The following TRMT11 variants were observed in gnomAD, a reference collection of about 807,000 sequenced individuals.
TRMT11 encodes tRNA (guanine(10)-N(2))-methyltransferase TRMT11.
Under a neutral mutation model 62.8 loss-of-function variants are expected in TRMT11, and 53 were observed. The ratio of observed to expected loss-of-function variants is 0.84; its 90% CI spans 0.68 to 1.06. TRMT11 has a LOEUF of 1.06. TRMT11 is among the 50% of genes least tolerant of loss of function. The pLI is 0.00. For synonymous variants in TRMT11, 188 were observed against 190.3 expected (o/e 0.99, Z 0.10); for missense variants, 556 against 553.4 (o/e 1.00, Z -0.05).
chr6:126,073,627 GT>G (rs796733456), intron 17 of TRMT11, among the ~76,000 whole-genome samples: 164 of 147,978 alleles, frequency 1.1e-3, no homozygotes, highest in East Asian at 5.9e-3. Flanking sequence ...ATTGTTCCTA[GT>G]TTTTTTTTTA....
intron 17 of TRMT11, among the ~76,000 whole-genome samples, chr6:126,088,323 A>C (rs775268667): frequency 6.6e-6 from 1 of 152,132 alleles, no homozygotes; most frequent in Non-Finnish European, 1.5e-5. Context: ...TCCTTTTTCA[A>C]ATTATAAGCT....
At chr6:126,127,865 G>A (rs1336754357) in intron 21 of TRMT11, among the ~76,000 whole-genome samples, 2 of 151,990 alleles carry the variant, frequency 1.3e-5, no homozygotes, top group Non-Finnish European at 2.9e-5. Context: ...TGGGGATATT[G>A]TAGAAGGGAT....
At position 126,170,439 on chromosome 6, in the gene TRMT11, C is replaced by T. The variant is rs142937659; in HGVS notation, c.*1824-4386C>T. On this transcript the variant is annotated intron_variant and NMD_transcript_variant, in intron 21 of 22. Transcript: ENST00000648977. ...TAGAAAATTCAGTGGATGTTCTTTC[C>T]ATATGTCAGCTGCTGTGGTAACCCA... is the stretch of plus-strand genomic sequence containing the variant. Among the ~76,000 whole-genome samples the T allele has an allele frequency of 4.7e-3, 723 of 152,252 alleles. 3 individuals are homozygous for T. The highest frequency in any genetic ancestry group is 0.017 in the African/African-American group (695 of 41,544).
intron 21 of TRMT11, among the ~76,000 whole-genome samples, chr6:126,117,139 C>T (rs947707533): frequency 6.6e-6 from 1 of 152,014 alleles, no homozygotes; most frequent in African/African-American, 2.4e-5. Context: ...TTTTTGTATC[C>T]TCGCTAAAGA....
intron 1 of TRMT11, among the ~76,000 whole-genome samples, chr6:126,190,189 C>G (rs891934417): frequency 1.3e-5 from 2 of 152,164 alleles, no homozygotes; most frequent in African/African-American, 4.8e-5. Flanking sequence ...ACTAGCTTCA[C>G]TTCATCTACC....
intron 17 of TRMT11, among the ~76,000 whole-genome samples, chr6:126,076,923 C>G (rs562445698): frequency 3.5e-4 from 54 of 152,282 alleles, no homozygotes; most frequent in African/African-American, 1.3e-3. Context: ...CCCCTCTATT[C>G]TGATCATCTC....
chr6:126,192,780 C>T (rs994114752), intron 1 of TRMT11, among the ~76,000 whole-genome samples: 12 of 152,116 alleles, frequency 7.9e-5, no homozygotes, highest in Non-Finnish European at 1.6e-4. Context: ...GCTTGCATCC[C>T]TGGGAGAAAT....
chr6:126,091,220 AT>A (rs1292202659), intron 17 of TRMT11, among the ~76,000 whole-genome samples: 10 of 135,620 alleles, frequency 7.4e-5, no homozygotes, highest in East Asian at 2.3e-4. Context: ...AAAAAAAAAA[AT>A]TTAGCTTAGA....
chr6:126,154,025 T>C (rs1315074692), intron 21 of TRMT11, among the ~76,000 whole-genome samples: 1 of 152,218 alleles, frequency 6.6e-6, no homozygotes, highest in Non-Finnish European at 1.5e-5. Flanking sequence ...GCCAGGCATA[T>C]TTATTCCACG....
chr6:126,189,661 C>A (rs1411063040), intron 1 of TRMT11, among the ~76,000 whole-genome samples: 3 of 152,000 alleles, frequency 2.0e-5, no homozygotes, highest in Admixed American at 1.3e-4. Flanking sequence ...TAGTACATGT[C>A]ATTAGTTCTT....
the TRMT11 span, among the ~76,000 whole-genome samples, chr6:126,219,238 T>A: frequency 6.6e-6 from 1 of 151,954 alleles, no homozygotes; most frequent in African/African-American, 2.4e-5. Flanking sequence ...TTAAGTTTGG[T>A]GTTCCTGCCA....
chr6:126,190,534 A>G (rs1162617654), intron 1 of TRMT11, among the ~76,000 whole-genome samples: 2 of 151,732 alleles, frequency 1.3e-5, no homozygotes, highest in African/African-American at 4.8e-5. Flanking sequence ...AGTCAATTAA[A>G]CCTCCTTCCT....
Position 126,008,455 on chromosome 6 carries a change from ACACAGTT to A in TRMT11, c.746_752del (p.Thr249MetfsTer29), listed in dbSNP as rs756444261. ...GTGTATGGGACAGACATAGACTACA[ACACAGTT>A]CATGGCTTGGGTGAGTAGAGATTAT... On this transcript the variant is annotated frameshift_variant, in exon 8 of 13. Transcript: ENST00000334379. LOFTEE classifies it high-confidence loss of function. 1 of 1,612,922 alleles carries A rather than the reference ACACAGTT, an allele frequency of 6.2e-7. No homozygotes were observed. The highest frequency in any genetic ancestry group is 8.5e-7 in the Non-Finnish European group (1 of 1,179,068).
chr6:126,184,183 G>A (rs933606138), intron 1 of TRMT11, among the ~76,000 whole-genome samples: 1 of 152,188 alleles, frequency 6.6e-6, no homozygotes, highest in Admixed American at 6.5e-5. Context: ...AATGCACAGT[G>A]CAAACTATGT....
the TRMT11 span, among the ~76,000 whole-genome samples, chr6:126,262,733 T>C: frequency 1.3e-4 from 20 of 152,182 alleles, no homozygotes; most frequent in Non-Finnish European, 2.6e-4. Flanking sequence ...CTGCTGGGGA[T>C]ATCCAACTTA....
At chr6:126,066,908 C>CT (rs1776708265) in intron 17 of TRMT11, among the ~76,000 whole-genome samples, 2 of 150,410 alleles carry the variant, frequency 1.3e-5, no homozygotes, top group African/African-American at 4.9e-5. Context: ...AACTGACCAA[C>CT]TTCATTCATG....
At chr6:126,121,262 A>G (rs1253880554) in intron 21 of TRMT11, among the ~76,000 whole-genome samples, 1 of 152,154 alleles carries the variant, frequency 6.6e-6, no homozygotes, top group Non-Finnish European at 1.5e-5. Context: ...TGGCTGGCCC[A>G]AAGTCTGACT....
chr6:126,209,117 A>G, the TRMT11 span, among the ~76,000 whole-genome samples: 3 of 152,182 alleles, frequency 2.0e-5, no homozygotes, highest in African/African-American at 7.2e-5. Context: ...AGCACTAGAG[A>G]AAAAAGATCT....
At chr6:125,990,402 G>A (rs1790415889) in intron 1 of TRMT11, among the ~76,000 whole-genome samples, 1 of 152,116 alleles carries the variant, frequency 6.6e-6, no homozygotes, top group Non-Finnish European at 1.5e-5. Context: ...ACATCCTAGT[G>A]TAAATTAGGT....
Sources: allele counts gnomAD v4.1 joint callset (sites outside exome capture counted in the v4.1 genomes callset), GRCh38; gene constraint gnomAD v4.1.1; transcripts MANE v1.5; gene names NCBI Gene and HGNC (gene_info 2026-07-23, HGNC 2026-07-21).